Variants in DMD observed in about 807,000 individuals in gnomAD.
DMD encodes mutant dystrophin.
In DMD, 63 loss-of-function variants were observed where a neutral mutation model predicts 330.1. That is an observed-to-expected ratio of 0.19 (90% CI 0.16 to 0.24). The LOEUF is 0.24. Among genes scored for constraint, DMD ranks in the 10% least tolerant of loss-of-function variants. DMD has a pLI of 1.00. For missense variants in DMD, 3,344 were observed against 2,684.1 expected, an observed-to-expected ratio of 1.25 and a Z score of -5.43; for synonymous variants, 1,223 against 959.8, an observed-to-expected ratio of 1.27 and a Z score of -5.07.
At chrX:31,384,309 CACTACTACTACTACTACTACTACT>C (rs79171547) in intron 60 of DMD, among the ~76,000 whole-genome samples, 15 of 91,320 alleles carry the variant, frequency 1.6e-4, no homozygotes, top group South Asian at 5.7e-4. Context: ...TATCCTGCTT[CACTACTACTACTACTACTACTACT>C]ACTACTACTA....
At chrX:33,003,334 G>A (rs1260255896) in intron 2 of DMD, among the ~76,000 whole-genome samples, 1 of 111,697 alleles carries the variant, frequency 9.0e-6, no homozygotes, top group Admixed American at 9.6e-5. Context: ...TTTCATTCCT[G>A]TACTTCCCTT....
At chrX:32,621,153 T>G (rs1052736518) in intron 11 of DMD, among the ~76,000 whole-genome samples, 1 of 111,370 alleles carries the variant, frequency 9.0e-6, no homozygotes, top group African/African-American at 3.3e-5. Flanking sequence ...GGGCCTTTAG[T>G]GCAGTACTGG....
chrX:32,913,595 T>G (rs1377947230), intron 2 of DMD, among the ~76,000 whole-genome samples: 1 of 111,915 alleles, frequency 8.9e-6, no homozygotes, highest in Non-Finnish European at 1.9e-5. Flanking sequence ...GGAAATCCAG[T>G]TGGAACTGTG....
intron 18 of DMD, among the ~76,000 whole-genome samples, chrX:32,513,537 T>C (rs1325858283): frequency 1.8e-5 from 2 of 111,935 alleles, no homozygotes; most frequent in Non-Finnish European, 3.8e-5. Context: ...CTGTCAAAGA[T>C]TGGACTTGTG....
At chrX:32,794,481 C>T (rs770144093) in intron 7 of DMD, among the ~76,000 whole-genome samples, 172 of 111,222 alleles carry the variant, frequency 1.5e-3, no homozygotes, top group African/African-American at 5.5e-3. Flanking sequence ...CCCAGCTGCT[C>T]GGGAGGCTGA....
At chrX:32,959,474 T>C (rs2091784892) in intron 2 of DMD, among the ~76,000 whole-genome samples, 1 of 111,803 alleles carries the variant, frequency 8.9e-6, no homozygotes, top group Non-Finnish European at 1.9e-5. Context: ...CTAAACTGAA[T>C]TCTGCCATCT....
chrX:32,332,741 T>C (rs1399883991), intron 41 of DMD, among the ~76,000 whole-genome samples: 1 of 111,103 alleles, frequency 9.0e-6, no homozygotes. Context: ...AGATGGGAAT[T>C]CATTGAAGGA....
intron 2 of DMD, among the ~76,000 whole-genome samples, chrX:32,954,859 A>T: frequency 8.9e-6 from 1 of 111,750 alleles, no homozygotes; most frequent in East Asian, 2.8e-4. Flanking sequence ...ATGTTCCTGC[A>T]AAGTACATGG....
intron 49 of DMD, among the ~76,000 whole-genome samples, chrX:31,831,704 T>C (rs1426555216): frequency 9.0e-6 from 1 of 111,219 alleles, no homozygotes; most frequent in Admixed American, 9.6e-5. Flanking sequence ...GTTCATGCCA[T>C]TCTCCTGCCT....
At chrX:32,265,956 C>G (rs1199940718) in intron 43 of DMD, among the ~76,000 whole-genome samples, 1 of 111,597 alleles carries the variant, frequency 9.0e-6, no homozygotes, top group African/African-American at 3.3e-5. Context: ...TGAGTTAAGA[C>G]TTTGAGTGAC....
At chrX:32,391,926 G>GC (rs2098005649) in intron 30 of DMD, among the ~76,000 whole-genome samples, 1 of 111,924 alleles carries the variant, frequency 8.9e-6, no homozygotes, top group African/African-American at 3.2e-5. Context: ...AAAAAGGTGG[G>GC]CCAGTAACAA....
At chrX:32,123,481 C>G (rs943600123) in intron 44 of DMD, among the ~76,000 whole-genome samples, 2 of 108,054 alleles carry the variant, frequency 1.9e-5, no homozygotes, top group Non-Finnish European at 3.8e-5. Context: ...AACAACTGCT[C>G]TACTCCATAG....
chrX:32,577,074 A>G (rs2053142186), intron 13 of DMD, among the ~76,000 whole-genome samples: 2 of 111,977 alleles, frequency 1.8e-5, no homozygotes, highest in South Asian at 7.5e-4. Flanking sequence ...TTGGAGATAG[A>G]GCCTATAAAT....
chrX:33,032,316 C>T (rs1374675227), intron 1 of DMD, among the ~76,000 whole-genome samples: 1 of 112,349 alleles, frequency 8.9e-6, no homozygotes, highest in African/African-American at 3.2e-5. Context: ...GTACTCAATA[C>T]AAAATTGAAC....
At chrX:33,253,518 C>CA (rs1314639398) in intron 1 of DMD, among the ~76,000 whole-genome samples, 4 of 111,115 alleles carry the variant, frequency 3.6e-5, no homozygotes, top group Non-Finnish European at 5.7e-5. Flanking sequence ...TAGAGTCAAA[C>CA]AAAAAAATTT....
intron 60 of DMD, among the ~76,000 whole-genome samples, chrX:31,378,054 AC>A (rs1439361361): frequency 1.8e-5 from 2 of 110,226 alleles, no homozygotes; most frequent in Admixed American, 9.7e-5. Context: ...AAACGGCCCC[AC>A]CCCTGTCTCC....
At chrX:31,602,545 T>C (rs1418985647) in intron 55 of DMD, among the ~76,000 whole-genome samples, 2 of 111,236 alleles carry the variant, frequency 1.8e-5, no homozygotes, top group African/African-American at 6.5e-5. Context: ...ATGGAATGAC[T>C]GTCACATGGA....
chrX:32,020,647 A>G (rs1181986943), intron 44 of DMD, among the ~76,000 whole-genome samples: 1 of 111,939 alleles, frequency 8.9e-6, no homozygotes, highest in Non-Finnish European at 1.9e-5. Context: ...ACCAGAAACC[A>G]ACCCTGTCAT....
chrX:32,273,653 T>G (rs757903464), intron 43 of DMD, among the ~76,000 whole-genome samples: 2 of 111,251 alleles, frequency 1.8e-5, no homozygotes, highest in East Asian at 2.9e-4. Flanking sequence ...CCCACGAAAC[T>G]TCCCTAAAAG....
Sources: gnomAD v4.1 joint callset for allele counts (sites outside exome capture counted in the v4.1 genomes callset) on GRCh38, gnomAD v4.1.1 for gene constraint, MANE v1.5 for transcripts, NCBI Gene and HGNC (gene_info 2026-07-23, HGNC 2026-07-21) for gene names.